The following DLGAP2 variants were observed in gnomAD, a reference collection of about 807,000 sequenced individuals.
The protein encoded by DLGAP2 is disks large-associated protein 2.
Under a neutral mutation model 100.3 loss-of-function variants are expected in DLGAP2, and 26 were observed. That is an observed-to-expected ratio of 0.26 (90% CI 0.19 to 0.36). DLGAP2 has a LOEUF of 0.36. Ranked by LOEUF, DLGAP2 falls within the 10% of genes least tolerant of loss-of-function variation. DLGAP2 has a pLI of 1.00. For synonymous variants in DLGAP2, 886 were observed against 630.1 expected, an observed-to-expected ratio of 1.41 and a Z score of -6.08; for missense variants, 1,858 against 1,453.2, an observed-to-expected ratio of 1.28 and a Z score of -4.53.
intron 1 of DLGAP2, among the ~76,000 whole-genome samples, chr8:857,720 C>T (rs2128989064): frequency 6.6e-6 from 1 of 152,300 alleles, no homozygotes; most frequent in East Asian, 1.9e-4. Context: ...CTCTCATCCT[C>T]ACTGTGGGGA....
At chr8:1,371,970 C>G (rs73170495) in intron 3 of DLGAP2, among the ~76,000 whole-genome samples, 166 of 152,350 alleles carry the variant, frequency 1.1e-3, no homozygotes, top group Non-Finnish European at 2.1e-3. Flanking sequence ...AAAAGAGTTT[C>G]TTATGAACAT....
chr8:866,448 TC>T (rs1563070808), intron 1 of DLGAP2, among the ~76,000 whole-genome samples: 1 of 152,176 alleles, frequency 6.6e-6, no homozygotes, highest in Non-Finnish European at 1.5e-5. Flanking sequence ...AGGCCTGTCT[TC>T]CAGTGCTTTC....
intron 3 of DLGAP2, among the ~76,000 whole-genome samples, chr8:1,333,493 C>G (rs1335349356): frequency 6.6e-6 from 1 of 152,122 alleles, no homozygotes; most frequent in Non-Finnish European, 1.5e-5. Flanking sequence ...TTTGTGAGCT[C>G]TTCCACAGAC....
intron 3 of DLGAP2, among the ~76,000 whole-genome samples, chr8:1,259,163 T>A (rs766351113): frequency 7.9e-5 from 12 of 152,258 alleles, no homozygotes; most frequent in African/African-American, 2.4e-5. Flanking sequence ...TCCATCAGTT[T>A]CTGTGAGGTA....
intron 3 of DLGAP2, among the ~76,000 whole-genome samples, chr8:1,461,364 G>A (rs1282506023): frequency 1.6e-5 from 1 of 63,098 alleles, no homozygotes; most frequent in African/African-American, 6.5e-5. Context: ...GCTGGGTGCA[G>A]TCACTGATTT....
intron 2 of DLGAP2, among the ~76,000 whole-genome samples, chr8:1,005,333 G>A (rs780336761): frequency 7.9e-5 from 12 of 152,016 alleles, no homozygotes; most frequent in East Asian, 3.9e-4. Flanking sequence ...AAAGGGAGCC[G>A]CGTCCTTAGC....
intron 7 of DLGAP2, among the ~76,000 whole-genome samples, 170 bp from the exon 8 acceptor site, chr8:1,632,657 A>T (rs1480030191): frequency 6.6e-6 from 1 of 152,220 alleles, no homozygotes; most frequent in African/African-American, 2.4e-5. Flanking sequence ...GGAAAACCCA[A>T]TGCTGTATTT....
At chr8:1,130,108 AAGGGATCGTGTCAGACAC>A (rs1796258414) in intron 2 of DLGAP2, among the ~76,000 whole-genome samples, 2 of 148,620 alleles carry the variant, frequency 1.3e-5, no homozygotes, top group African/African-American at 5.1e-5. Flanking sequence ...CACGCGAGTT[AAGGGATCGTGTCAGACAC>A]TTCACGCGAG....
chr8:1,163,881 G>C (rs1344000528), intron 2 of DLGAP2, among the ~76,000 whole-genome samples: 2 of 152,232 alleles, frequency 1.3e-5, no homozygotes, highest in Non-Finnish European at 2.9e-5. Flanking sequence ...CGTCCTTGCT[G>C]TTGGGCTCCC....
At chr8:1,079,658 T>A (rs1451135938) in intron 2 of DLGAP2, among the ~76,000 whole-genome samples, 3 of 152,194 alleles carry the variant, frequency 2.0e-5, no homozygotes, top group Admixed American at 2.0e-4. Flanking sequence ...TCCGAGGTGC[T>A]GGAGACACAG....
chr8:888,193 G>A (rs1433676779), intron 1 of DLGAP2, among the ~76,000 whole-genome samples: 4 of 152,088 alleles, frequency 2.6e-5, no homozygotes, highest in Non-Finnish European at 4.4e-5. Context: ...TGATACTTGT[G>A]TATGCTTCAT....
chr8:1,519,703 C>T (rs1249090725), intron 4 of DLGAP2, among the ~76,000 whole-genome samples: 1 of 152,254 alleles, frequency 6.6e-6, no homozygotes, highest in Non-Finnish European at 1.5e-5. Context: ...GGCCTGGGAT[C>T]CGTATGCACT....
At chr8:1,587,502 C>G (rs892358932) in intron 6 of DLGAP2, among the ~76,000 whole-genome samples, 1 of 152,072 alleles carries the variant, frequency 6.6e-6, no homozygotes, top group South Asian at 2.1e-4. Flanking sequence ...AGTATATTTA[C>G]TAATAAAAGT....
chr8:1,460,866 A>C (rs1798451677), intron 3 of DLGAP2, among the ~76,000 whole-genome samples: 1 of 152,172 alleles, frequency 6.6e-6, no homozygotes, highest in Non-Finnish European at 1.5e-5. Context: ...AGTGGGTTTT[A>C]TTCAGTATAA....
intron 2 of DLGAP2, among the ~76,000 whole-genome samples, chr8:1,210,809 G>T (rs893002975): frequency 1.3e-5 from 2 of 151,864 alleles, no homozygotes; most frequent in African/African-American, 4.8e-5. Flanking sequence ...GGCCCCATGT[G>T]GTCGGTTTTC....
intron 4 of DLGAP2, among the ~76,000 whole-genome samples, chr8:1,507,705 T>C (rs1799976929): frequency 6.8e-6 from 1 of 146,938 alleles, no homozygotes; most frequent in Non-Finnish European, 1.5e-5. Flanking sequence ...AGAAAGAAGG[T>C]AGCAGTCCAC....
intron 3 of DLGAP2, among the ~76,000 whole-genome samples, chr8:1,363,073 C>T (rs1333644185): frequency 6.6e-6 from 1 of 152,214 alleles, no homozygotes; most frequent in Admixed American, 6.5e-5. Flanking sequence ...AATCTGGTTT[C>T]TGTCTGAAGT....
intron 2 of DLGAP2, among the ~76,000 whole-genome samples, chr8:912,852 C>G (rs1798516019): frequency 1.3e-5 from 2 of 152,022 alleles, no homozygotes; most frequent in Non-Finnish European, 2.9e-5. Context: ...GAGCTGACCC[C>G]CGCACCACGG....
At chr8:845,582 A>G (rs555669365) in intron 1 of DLGAP2, among the ~76,000 whole-genome samples, 84 of 152,296 alleles carry the variant, frequency 5.5e-4, no homozygotes, top group Admixed American at 1.1e-3. Context: ...ATGACCTGCA[A>G]ATAATTTCTT....
Sources: allele counts gnomAD v4.1 joint callset (sites outside exome capture counted in the v4.1 genomes callset), GRCh38; gene constraint gnomAD v4.1.1; transcripts MANE v1.5; gene names NCBI Gene and HGNC (gene_info 2026-07-23, HGNC 2026-07-21).